Variants in ANK2 observed in about 807,000 individuals in gnomAD.
The protein encoded by ANK2 is ankyrin 2, also known as ankyrin-2.
Under a neutral mutation model 360.5 loss-of-function variants are expected in ANK2, and 83 were observed. The observed-to-expected ratio is 0.23, with a 90% CI of 0.19 to 0.28. The LOEUF (loss-of-function observed/expected upper bound fraction) is 0.28, where lower values mean the gene tolerates loss of function less well. Among genes scored for constraint, ANK2 ranks in the 10% least tolerant of loss-of-function variants. The pLI is 1.00. For synonymous variants in ANK2, 1,740 were observed against 1,759.5 expected (o/e 0.99, Z 0.28); for missense variants, 4,201 against 4,795.7 (o/e 0.88, Z 3.66).
chr4:113,298,614 A>G (rs2073231744), intron 22 of ANK2, among the ~76,000 whole-genome samples: 2 of 152,216 alleles, frequency 1.3e-5, no homozygotes, highest in Non-Finnish European at 2.9e-5. Context: ...TCATTATTAA[A>G]TCTCTCTTCC....
rs1334740126 is a variant in ANK2, at chr4:113,318,536, A to G, written c.2816A>G (p.Glu939Gly). 1.2e-6 allele frequency: 2 copies of G among 1,613,744 alleles called. No homozygotes were observed. Among genetic ancestry groups the G allele is most frequent in the Non-Finnish European group, 8.5e-7 (1 of 1,179,812 alleles). Reference protein sequence around the residue: ...PSHQVSTLAKEAERNSYRLSW... With the variant: ...PSHQVSTLAKGAERNSYRLSW... ...GTTTAGGTGTCAACTCTAGCCAAGGAGGCAGAAAGGAATTCTTATCGCCTA... is the reference window on the plus strand; with the variant it reads ...GTTTAGGTGTCAACTCTAGCCAAGGGGGCAGAAAGGAATTCTTATCGCCTA... Residue 939 changes from glutamate (E) to glycine (G), a missense_variant, in exon 26 of 46, where the codon GAG becomes GGG. Coordinates refer to ENST00000357077, the MANE Select transcript of ANK2 (RefSeq NM_001148.6).
At chr4:113,163,446 A>G (rs375908534) in intron 1 of ANK2, among the ~76,000 whole-genome samples, 1 of 151,958 alleles carries the variant, frequency 6.6e-6, no homozygotes, top group East Asian at 1.9e-4. Flanking sequence ...CTTACAGATG[A>G]CAATGGACTT....
chr4:113,164,170 C>T lies in ANK2; in HGVS notation c.85-10246C>T, dbSNP rs539140927. On this transcript the variant is annotated intron_variant, in intron 1 of 45. Coordinates refer to ENST00000357077, the MANE Select transcript of ANK2 (RefSeq NM_001148.6). ...ATCCCAGCACTTTGGGAGGCCAAGG[C>T]GGGAGATATTTAGGCAAGTAGAGTC... is the stretch of plus-strand genomic sequence containing the variant. 1.4e-4 allele frequency among the ~76,000 whole-genome samples: 22 copies of T among 152,206 alleles called. No individual in the cohort carries two copies. In the East Asian group the frequency reaches 2.1e-3, roughly 15 times the overall value.
chr4:112,978,907 G>A (rs1254128123), intron 2 of ANK2, among the ~76,000 whole-genome samples: 1 of 152,200 alleles, frequency 6.6e-6, no homozygotes, highest in Non-Finnish European at 1.5e-5. Flanking sequence ...CAACTGTGTA[G>A]GCTCATATCT....
chr4:113,282,516 A>G (rs1353907586), intron 17 of ANK2, among the ~76,000 whole-genome samples, 159 bp from the exon 18 acceptor site: 1 of 152,180 alleles, frequency 6.6e-6, no homozygotes, highest in Non-Finnish European at 1.5e-5. Flanking sequence ...AGATTCGGTT[A>G]TTGTTGAATG....
chr4:113,034,683 C>G (rs941058779), intron 2 of ANK2: 3 of 151,864 alleles, frequency 2.0e-5, no homozygotes, highest in African/African-American at 4.8e-5. Context: ...AGTAAATTAC[C>G]TGATTATTTT....
chr4:112,794,704 C>T, the ANK2 span, among the ~76,000 whole-genome samples: 73 of 152,148 alleles, frequency 4.8e-4, 1 homozygote, highest in Non-Finnish European at 3.7e-4. Flanking sequence ...CCTTCTCTCC[C>T]TTCTCCCCAA....
rs76855328 is a variant in ANK2, at chr4:113,197,379, C to T, written c.285+913C>T. Among the ~76,000 whole-genome samples, 202 of 152,282 alleles carry T rather than the reference C, an allele frequency of 1.3e-3. 1 individual carries two copies. The highest frequency in any genetic ancestry group is 9.6e-4 in the Non-Finnish European group (65 of 68,014). On this transcript the variant is annotated intron_variant, in intron 3 of 45. Coordinates refer to ENST00000357077, the MANE Select transcript of ANK2 (RefSeq NM_001148.6). ...ACTTGTCGAGGATTCATTTCATAAA[C>T]AACAGACATTTAAAAAACTATTATG...
chr4:113,079,372 C>T (rs2081377600), intron 1 of ANK2, among the ~76,000 whole-genome samples: 1 of 152,174 alleles, frequency 6.6e-6, no homozygotes, highest in African/African-American at 2.4e-5. Context: ...TGGCCATGTA[C>T]TGTGAGGCTG....
At chr4:112,904,323 T>C (rs2084479000) in intron 1 of ANK2, 1 of 486,506 alleles carries the variant, frequency 2.1e-6, no homozygotes, top group African/African-American at 2.0e-5. Context: ...TTTATAATAG[T>C]GGCTTTTTAA....
rs533588764 is a variant in ANK2 at position 112,965,908 on chromosome 4, T to G, written c.21+61394T>G. 4.9e-4 allele frequency among the ~76,000 whole-genome samples: 74 copies of G among 152,050 alleles called. 1 individual carries two copies. The South Asian group carries it at 0.015, about 30-fold the overall frequency. On this transcript the variant is annotated intron_variant, in intron 2 of 30. Transcript: ENST00000503271. ...TCTAACTATTTTATGTATTTTATAT[T>G]ATAAGAATACTTATTGCCTGATTTT...
chr4:112,812,042 C>G, the ANK2 span, among the ~76,000 whole-genome samples: 1 of 145,684 alleles, frequency 6.9e-6, no homozygotes, highest in African/African-American at 2.6e-5. Context: ...GCCACTGCAC[C>G]CCAGCCTGGG....
At chr4:113,070,765 G>C (rs7692578) in intron 1 of ANK2, among the ~76,000 whole-genome samples, 26,358 of 151,740 alleles carry the variant, frequency 0.17, 2,578 homozygotes, top group South Asian at 0.24. Context: ...TTCACTCGTG[G>C]CTGCCATTAA....
At chr4:112,836,065 G>T (rs1043694144) in intron 1 of ANK2, among the ~76,000 whole-genome samples, 4 of 152,080 alleles carry the variant, frequency 2.6e-5, no homozygotes, top group Non-Finnish European at 5.9e-5. Flanking sequence ...ATATGGTTTG[G>T]CTTTGTGTCC....
intron 1 of ANK2, among the ~76,000 whole-genome samples, chr4:113,141,728 A>G (rs1264501079): frequency 6.6e-6 from 1 of 152,166 alleles, no homozygotes; most frequent in African/African-American, 2.4e-5. Flanking sequence ...TGGTTCTGTA[A>G]TCATGATTTC....
At chr4:113,248,929 C>T (rs990380021) in intron 9 of ANK2, among the ~76,000 whole-genome samples, 2 of 152,254 alleles carry the variant, frequency 1.3e-5, no homozygotes, top group African/African-American at 4.8e-5. Flanking sequence ...CTGTTAATTA[C>T]ATTTCGCCTC....
At position 112,826,493 on chromosome 4, in the gene ANK2, T is replaced by C. The variant is rs897632080; in HGVS notation, c.-40+8229T>C. 4 of 1,164,022 alleles carry C rather than the reference T, an allele frequency of 3.4e-6. No individual in the cohort carries two copies. The African/African-American group carries it at 4.6e-5, about 13-fold the overall frequency. 72.1% of individuals were successfully genotyped at this position (1,164,022 alleles called of 1,614,324 possible). A position where few individuals can be genotyped will look rare whatever the true frequency, so the allele number is the denominator to read the frequency against. On this transcript the variant is annotated intron_variant, in intron 1 of 30. Coordinates refer to the ANK2 transcript ENST00000503271. ...CTGTGAAACCTTTTGTTACATCTAC[T>C]GGGACCACATCTGACAAGCCTGTTA...
chr4:113,220,041 T>C (rs3025756), intron 4 of ANK2, among the ~76,000 whole-genome samples: 4,250 of 152,300 alleles, frequency 0.028, 98 homozygotes, highest in East Asian at 0.067. Flanking sequence ...GACTCAGAAT[T>C]GTTTTTTTCC....
chr4:113,135,851 T>C (rs2096375616), intron 1 of ANK2, among the ~76,000 whole-genome samples: 1 of 152,094 alleles, frequency 6.6e-6, no homozygotes, highest in Non-Finnish European at 1.5e-5. Context: ...ATACAAGAAC[T>C]GACAGAATAG....
Sources: gnomAD v4.1 joint callset for allele counts (sites outside exome capture counted in the v4.1 genomes callset) on GRCh38, gnomAD v4.1.1 for gene constraint, MANE v1.5 for transcripts, NCBI Gene and HGNC (gene_info 2026-07-23, HGNC 2026-07-21) for gene names.